The following PCDHGB1 variants were observed in gnomAD, a reference collection of about 807,000 sequenced individuals.
PCDHGB1 encodes protocadherin gamma-B1.
Under a neutral mutation model 56.6 loss-of-function variants are expected in PCDHGB1, and 34 were observed. The observed-to-expected ratio is 0.60, with a 90% CI of 0.46 to 0.80. PCDHGB1 has a LOEUF of 0.80. Ranked by LOEUF, PCDHGB1 falls within the 30% of genes least tolerant of loss-of-function variation. The pLI is 0.00. For missense variants in PCDHGB1, 1,278 were observed against 1,204.6 expected (o/e 1.06, Z -0.90); for synonymous variants, 561 against 505.9 (o/e 1.11, Z -1.46).
In PCDHGB1 at chr5:141,351,908, G is replaced by C. The variant is rs776380537; in HGVS notation, c.1648G>C (p.Asp550His). ...ANVSLRVLVG[D>H]LNDNAPRVLY... ...CGTGAGCCTGCGCGTGTTGGTGGGCGACCTCAATGACAATGCGCCACGGGT... is the reference window on the plus strand; with the variant it reads ...CGTGAGCCTGCGCGTGTTGGTGGGCCACCTCAATGACAATGCGCCACGGGT... The change falls in exon 1 of 4, where the codon GAC (aspartate) becomes CAC (histidine). Residue 550 changes from aspartate (D) to histidine (H), a missense_variant. Transcript: ENST00000523390. 5 of 1,613,294 alleles carry C rather than the reference G, an allele frequency of 3.1e-6. No homozygotes were observed. The highest frequency in any genetic ancestry group is 3.3e-5 in the Admixed American group (2 of 59,998).
At chr5:141,413,299 G>T in intron 1 of PCDHGB1, 1 of 1,613,966 alleles carries the variant, frequency 6.2e-7, no homozygotes, top group Non-Finnish European at 8.5e-7. Flanking sequence ...AATTCCTGAG[G>T]AATTAGAGAA....
At position 141,476,304 on chromosome 5, in the gene PCDHGB1, C is replaced by T. The variant is rs769790423; in HGVS notation, c.2410-18503C>T. On this transcript the variant is annotated intron_variant, in intron 1 of 3. Coordinates refer to ENST00000523390, the MANE Select transcript of PCDHGB1 (RefSeq NM_018922.3). The surrounding 1 kb of genome is among the most constrained non-coding windows in gnomAD (Gnocchi z 7.6). Reference sequence around the variant, plus strand: ...GGTTTGGATCTCGGTAGCCTCTCAGCCCGCAGGTTCCGGGTGGTGTCTGGA... The same window carrying T: ...GGTTTGGATCTCGGTAGCCTCTCAGTCCGCAGGTTCCGGGTGGTGTCTGGA... The T allele has an allele frequency of 6.2e-7, 1 of 1,613,746 alleles. No individual in the cohort carries two copies. Among genetic ancestry groups the T allele is most frequent in the Admixed American group, 1.7e-5 (1 of 59,988 alleles).
At position 141,476,676 on chromosome 5, in the gene PCDHGB1, G is replaced by A. The variant is rs753538822; in HGVS notation, c.2410-18131G>A. The A allele has an allele frequency of 6.2e-7, 1 of 1,614,222 alleles. No individual in the cohort carries two copies. The highest frequency in any genetic ancestry group is 8.5e-7 in the Non-Finnish European group (1 of 1,180,054). On this transcript the variant is annotated intron_variant, in intron 1 of 3. Transcript: ENST00000523390. The surrounding 1 kb of genome is among the most constrained non-coding windows in gnomAD (Gnocchi z 7.6). ...TACTTTGCGCTTCGCGTGCAGACGC[G>A]GGAGGACAGCACCAAGTACGCGGAG...
chr5:141,410,110 C>T, intron 1 of PCDHGB1: 4 of 1,612,540 alleles, frequency 2.5e-6, no homozygotes, highest in Non-Finnish European at 3.4e-6. Flanking sequence ...GCGACAGGGA[C>T]GCAGCCCGCC....
intron 1 of PCDHGB1, chr5:141,421,492 G>C: frequency 1.7e-5 from 28 of 1,614,106 alleles, no homozygotes; most frequent in Non-Finnish European, 2.3e-5. Flanking sequence ...GATCACGGCA[G>C]GCAGGATAGA....
chr5:141,364,182 A>G (rs1763205286), intron 1 of PCDHGB1: 1 of 942,924 alleles, frequency 1.1e-6, no homozygotes, highest in Non-Finnish European at 1.5e-6. Context: ...TGCTCCCTCC[A>G]TACTAAACAC....
At chr5:141,419,049 C>T in intron 1 of PCDHGB1, 6 of 1,613,954 alleles carry the variant, frequency 3.7e-6, no homozygotes, top group Non-Finnish European at 5.1e-6. Flanking sequence ...ATTCATTCTT[C>T]TTCTAATAAT....
intron 1 of PCDHGB1, chr5:141,382,716 C>G (rs11575956): frequency 0.036 from 17,699 of 487,890 alleles, 411 homozygotes; most frequent in Middle Eastern, 0.065. Flanking sequence ...CAGAAACCAC[C>G]GAGTTTTACA....
intron 1 of PCDHGB1, among the ~76,000 whole-genome samples, chr5:141,386,783 C>A (rs1254282500): frequency 6.6e-6 from 1 of 152,150 alleles, no homozygotes; most frequent in Non-Finnish European, 1.5e-5. Context: ...AAAAGAAAAT[C>A]TCCTGACCAA....
intron 1 of PCDHGB1, chr5:141,398,627 T>C: frequency 6.2e-7 from 1 of 1,614,044 alleles, no homozygotes; most frequent in Non-Finnish European, 8.5e-7. Context: ...TTAAACTCTC[T>C]GCAGAAGTAT....
chr5:141,396,811 A>G (rs999771105), intron 1 of PCDHGB1, among the ~76,000 whole-genome samples: 1 of 152,226 alleles, frequency 6.6e-6, no homozygotes, highest in Non-Finnish European at 1.5e-5. Flanking sequence ...GTAGTGTTCT[A>G]CTGTATGGTG....
At chr5:141,404,408 A>C (rs2154535328) in intron 1 of PCDHGB1, 1 of 1,613,900 alleles carries the variant, frequency 6.2e-7, no homozygotes, top group East Asian at 2.2e-5. Flanking sequence ...TGAGAATTCT[A>C]GAGTTATTTA....
At chr5:141,456,171 A>ACAGGCG (rs1443838766) in intron 1 of PCDHGB1, among the ~76,000 whole-genome samples, 2 of 152,096 alleles carry the variant, frequency 1.3e-5, no homozygotes, top group East Asian at 3.9e-4. Flanking sequence ...TGCTGGGATT[A>ACAGGCG]CAGAATAATT....
At chr5:141,359,367 A>T (rs1214745002) in intron 1 of PCDHGB1, among the ~76,000 whole-genome samples, 1 of 152,144 alleles carries the variant, frequency 6.6e-6, no homozygotes, top group African/African-American at 2.4e-5. Flanking sequence ...GGCCTAGGAA[A>T]GCAGTAGATA....
At chr5:141,376,223 C>A in intron 1 of PCDHGB1, 3 of 1,614,202 alleles carry the variant, frequency 1.9e-6, no homozygotes, top group Non-Finnish European at 2.5e-6. Context: ...GCTGCTGGCG[C>A]TCAGACTGCA....
chr5:141,371,961 G>C lies in PCDHGB1; in HGVS notation c.2409+19292G>C. On this transcript the variant is annotated intron_variant, in intron 1 of 3. Transcript: ENST00000523390. ...GTTCGCGCAGCGAGCCTTCGACCAC[G>C]AGCAGCTGCGTGCCTTCGAGCTCAC... 6.2e-7 allele frequency: 1 copy of C among 1,613,240 alleles called. No individual in the cohort carries two copies. Among genetic ancestry groups the C allele is most frequent in the Admixed American group, 1.7e-5 (1 of 60,006 alleles).
intron 1 of PCDHGB1, chr5:141,418,042 G>A: frequency 6.2e-7 from 1 of 1,614,014 alleles, no homozygotes; most frequent in South Asian, 1.1e-5. Context: ...TCCTGGATGT[G>A]TCGGCTCGCG....
intron 1 of PCDHGB1, among the ~76,000 whole-genome samples, chr5:141,434,860 A>G (rs2097723622): frequency 6.6e-6 from 1 of 151,982 alleles, no homozygotes; most frequent in African/African-American, 2.4e-5. Flanking sequence ...ATAAATTTAT[A>G]TATATGTGAC....
intron 1 of PCDHGB1, chr5:141,372,158 G>A (rs1466586208): frequency 6.2e-7 from 1 of 1,613,800 alleles, no homozygotes; most frequent in South Asian, 1.1e-5. Flanking sequence ...GCTACCTGGT[G>A]ACCAAGGTGG....
Sources: gnomAD v4.1 joint callset for allele counts (sites outside exome capture counted in the v4.1 genomes callset) on GRCh38, gnomAD v4.1.1 for gene constraint, Gnocchi (gnomAD v3.1) non-coding constraint, MANE v1.5 for transcripts, NCBI Gene and HGNC (gene_info 2026-07-23, HGNC 2026-07-21) for gene names.